The following ITPR1 variants were observed in gnomAD, a reference collection of about 807,000 sequenced individuals.
ITPR1 encodes inositol 1,4,5-trisphosphate receptor type 1, also known as inositol 1,4,5-trisphosphate-gated calcium channel ITPR1.
A neutral mutation model predicts 318.4 loss-of-function variants in ITPR1; 96 were observed. That is an observed-to-expected ratio of 0.30 (90% CI 0.26 to 0.36). The LOEUF (loss-of-function observed/expected upper bound fraction) is 0.36. Ranked by LOEUF, ITPR1 falls within the 10% of genes least tolerant of loss-of-function variation. The probability of loss-of-function intolerance (pLI) is 1.00; values close to 1 mark genes in which losing one functional copy is unlikely to be tolerated. For missense variants in ITPR1, 2,440 were observed against 3,460.2 expected, an observed-to-expected ratio of 0.71 and a Z score of 7.40; for synonymous variants, 1,312 against 1,289.9, an observed-to-expected ratio of 1.02 and a Z score of -0.37.
intron 4 of ITPR1, among the ~76,000 whole-genome samples, chr3:4,572,207 CAT>C (rs2088083156): frequency 6.6e-6 from 1 of 152,202 alleles, no homozygotes; most frequent in African/African-American, 2.4e-5. Flanking sequence ...TCCAGACTCA[CAT>C]ATACTACATC....
rs1486361993 is a variant in ITPR1 at position 4,710,560 on chromosome 3, C to T, written c.4991+87C>T. ...TTGTTCCCGAAGAAGGAGACGTTGT[C>T]CTGTTTTTTAACTTTGATGAATGCA... On this transcript the variant is annotated intron_variant, in intron 38 of 61. Coordinates refer to ENST00000649015, the MANE Select transcript of ITPR1 (RefSeq NM_001378452.1). The surrounding 1 kb of genome is among the most constrained non-coding windows in gnomAD (Gnocchi z 4.2). 1.0e-5 allele frequency: 14 copies of T among 1,371,490 alleles called. No homozygotes were observed. The highest frequency in any genetic ancestry group is 6.6e-5 in the Admixed American group (3 of 45,616). 85.0% of individuals were successfully genotyped at this position (1,371,490 alleles called of 1,614,324 possible).
chr3:4,774,327 A>G (rs570987402), intron 46 of ITPR1, among the ~76,000 whole-genome samples: 43 of 152,358 alleles, frequency 2.8e-4, no homozygotes, highest in Admixed American at 2.7e-3. Context: ...AAGCAGTACT[A>G]TAGTGGACAT....
At chr3:4,610,219 T>C (rs1198501733) in intron 4 of ITPR1, among the ~76,000 whole-genome samples, 3 of 152,130 alleles carry the variant, frequency 2.0e-5, no homozygotes, top group Admixed American at 6.5e-5. Flanking sequence ...GCCTCTCCCA[T>C]CTCTACCTGG....
intron 4 of ITPR1, among the ~76,000 whole-genome samples, chr3:4,609,089 T>TATATACACACAC (rs1171860541): frequency 4.4e-4 from 40 of 91,932 alleles, no homozygotes; most frequent in South Asian, 1.1e-3. Context: ...TATATATATA[T>TATATACACACAC]ACACACACAC....
intron 5 of ITPR1, among the ~76,000 whole-genome samples, chr3:4,631,726 T>C (rs2093020872): frequency 6.6e-6 from 1 of 152,184 alleles, no homozygotes; most frequent in South Asian, 2.1e-4. Flanking sequence ...CTTGCACGTT[T>C]GGAAAATTTA....
At chr3:4,608,804 C>A (rs2091876981) in intron 4 of ITPR1, among the ~76,000 whole-genome samples, 1 of 151,588 alleles carries the variant, frequency 6.6e-6, no homozygotes, top group Admixed American at 6.6e-5. Flanking sequence ...GAGTTTCCGA[C>A]CAGCCTGGCC....
intron 2 of ITPR1, among the ~76,000 whole-genome samples, chr3:4,506,243 C>T (rs534079732): frequency 6.6e-6 from 1 of 152,284 alleles, no homozygotes; most frequent in East Asian, 1.9e-4. Context: ...ATCTTCTCTA[C>T]CCTGTCTTTA....
chr3:4,515,998 G>T (rs889893192), intron 2 of ITPR1, among the ~76,000 whole-genome samples: 1 of 152,202 alleles, frequency 6.6e-6, no homozygotes, highest in South Asian at 2.1e-4. Flanking sequence ...TGTTGCTTTG[G>T]TACCTTAGCC....
intron 4 of ITPR1, among the ~76,000 whole-genome samples, chr3:4,576,918 TG>T (rs1374936796): frequency 1.3e-5 from 2 of 152,236 alleles, no homozygotes; most frequent in African/African-American, 4.8e-5. Flanking sequence ...AACACTTATT[TG>T]TTTATTCATC....
At chr3:4,619,535 C>T (rs1024309762) in intron 4 of ITPR1, among the ~76,000 whole-genome samples, 1 of 147,418 alleles carries the variant, frequency 6.8e-6, no homozygotes, top group Non-Finnish European at 1.5e-5. Context: ...CAACTTCCAT[C>T]CCCTTCTGCC....
At chr3:4,623,207 C>T (rs2092704406) in intron 4 of ITPR1, among the ~76,000 whole-genome samples, 1 of 152,198 alleles carries the variant, frequency 6.6e-6, no homozygotes, top group African/African-American at 2.4e-5. Context: ...TGAGCATTCT[C>T]CCTCCAGCCT....
At chr3:4,801,884 C>A (rs957710607) in intron 54 of ITPR1, among the ~76,000 whole-genome samples, 4 of 152,144 alleles carry the variant, frequency 2.6e-5, no homozygotes, top group African/African-American at 9.7e-5. Context: ...TAGGCCAGAG[C>A]AGAACAGTGG....
At chr3:4,754,485 G>A (rs1308434057) in intron 44 of ITPR1, among the ~76,000 whole-genome samples, 1 of 152,178 alleles carries the variant, frequency 6.6e-6, no homozygotes, top group Admixed American at 6.5e-5. Context: ...GACAGGACCT[G>A]AGAGTTTCAC....
chr3:4,770,756 C>T (rs1363203230), intron 46 of ITPR1, among the ~76,000 whole-genome samples: 1 of 152,200 alleles, frequency 6.6e-6, no homozygotes, highest in Non-Finnish European at 1.5e-5. Flanking sequence ...CTTGCCAGGA[C>T]TGTGTAGTCC....
rs578144241 is a variant in ITPR1, at chr3:4,541,389, G to A, written c.163+20295G>A. Among the ~76,000 whole-genome samples the A allele has an allele frequency of 3.9e-5, 6 of 152,148 alleles. 1 individual carries two copies. Among genetic ancestry groups the A allele is most frequent in the African/African-American group, 1.4e-4 (6 of 41,520 alleles). On this transcript the variant is annotated intron_variant, in intron 4 of 61. Coordinates refer to ENST00000649015, the MANE Select transcript of ITPR1 (RefSeq NM_001378452.1). ...AATTGTAGATTGATGGGTACTTTCT[G>A]TCAGCATCATTATTTTTTTGCCTTT...
Position 4,620,514 on chromosome 3 carries a change from G to A in ITPR1, c.164-7249G>A, listed in dbSNP as rs369705171. Among the ~76,000 whole-genome samples, 21 of 152,174 alleles carry A rather than the reference G, an allele frequency of 1.4e-4. No homozygotes were observed. In the East Asian group the frequency reaches 1.5e-3, roughly 11 times the overall value. On this transcript the variant is annotated intron_variant, in intron 4 of 61. Coordinates refer to ENST00000649015, the MANE Select transcript of ITPR1 (RefSeq NM_001378452.1). ...TCCAGGGTTCTGCAGTGCTAATTGCGTGTTTTTTCATGGTACCCTGTGCAG... is the reference window on the plus strand; with the variant it reads ...TCCAGGGTTCTGCAGTGCTAATTGCATGTTTTTTCATGGTACCCTGTGCAG...
chr3:4,542,492 G>T (rs1368861381), intron 4 of ITPR1, among the ~76,000 whole-genome samples: 2 of 152,116 alleles, frequency 1.3e-5, no homozygotes, highest in Non-Finnish European at 2.9e-5. Flanking sequence ...TAAATTTTGG[G>T]AATTTCCTAT....
intron 60 of ITPR1, among the ~76,000 whole-genome samples, chr3:4,821,961 G>A (rs2049750519): frequency 6.6e-6 from 1 of 152,198 alleles, no homozygotes; most frequent in South Asian, 2.1e-4. Flanking sequence ...ACTGGAGATG[G>A]GAGTATCCCC....
intron 4 of ITPR1, among the ~76,000 whole-genome samples, chr3:4,589,149 G>T (rs76521109): frequency 0.047 from 7,124 of 152,096 alleles, 252 homozygotes; most frequent in East Asian, 0.13. Context: ...ATAGTGAAAT[G>T]CTGTCTCATT....
Sources: gnomAD v4.1 joint callset for allele counts (sites outside exome capture counted in the v4.1 genomes callset) on GRCh38, gnomAD v4.1.1 for gene constraint, Gnocchi (gnomAD v3.1) non-coding constraint, MANE v1.5 for transcripts, NCBI Gene and HGNC (gene_info 2026-07-23, HGNC 2026-07-21) for gene names.